The following VIT variants were observed in gnomAD, a reference collection of about 807,000 sequenced individuals.
The protein encoded by VIT is vitrin.
A neutral mutation model predicts 78.0 loss-of-function variants in VIT; 99 were observed. The ratio of observed to expected loss-of-function variants is 1.27; its 90% CI spans 1.08 to 1.50. The LOEUF (loss-of-function observed/expected upper bound fraction) is 1.50. VIT is among the 40% of genes most tolerant of loss of function. The probability of loss-of-function intolerance (pLI) is 0.00; values close to 1 mark genes in which losing one functional copy is unlikely to be tolerated. For synonymous variants in VIT, 374 were observed against 334.3 expected (o/e 1.12, Z -1.29); for missense variants, 1,126 against 875.3 (o/e 1.29, Z -3.61).
At chr2:36,755,955 A>ATTTTTTTTTTTTT (rs58344336) in intron 5 of VIT, among the ~76,000 whole-genome samples, 4 of 108,602 alleles carry the variant, frequency 3.7e-5, no homozygotes, top group Admixed American at 1.1e-4. Context: ...ACAACACAGT[A>ATTTTTTTTTTTTT]TTTTTTTTTT....
chr2:36,753,096 T>G (rs1418480972), intron 4 of VIT, among the ~76,000 whole-genome samples: 1 of 151,504 alleles, frequency 6.6e-6, no homozygotes, highest in Admixed American at 6.6e-5. Context: ...CTCAGCAAAC[T>G]AACACAAGAA....
chr2:36,736,906 A>G (rs566401413), intron 3 of VIT, among the ~76,000 whole-genome samples: 8 of 152,164 alleles, frequency 5.3e-5, no homozygotes, highest in Non-Finnish European at 8.8e-5. Context: ...AAGTCAAACC[A>G]TTGTAAATCA....
intron 12 of VIT, among the ~76,000 whole-genome samples, chr2:36,796,501 A>C (rs1351460946): frequency 2.0e-5 from 3 of 152,230 alleles, no homozygotes; most frequent in Non-Finnish European, 2.9e-5. Flanking sequence ...GGAAAGAGAC[A>C]GGGAATCGAC....
intron 2 of VIT, among the ~76,000 whole-genome samples, chr2:36,725,075 G>A (rs1372663766): frequency 6.6e-6 from 1 of 152,106 alleles, no homozygotes; most frequent in Non-Finnish European, 1.5e-5. Context: ...AACCCCAGAA[G>A]TAAATACACC....
chr2:36,794,860 G>A (rs1049705995), intron 12 of VIT, among the ~76,000 whole-genome samples: 3 of 152,126 alleles, frequency 2.0e-5, no homozygotes, highest in African/African-American at 7.2e-5. Flanking sequence ...AAGAAATACC[G>A]TTAAAAAAAT....
chr2:36,744,843 G>A (rs1175610437), intron 4 of VIT, among the ~76,000 whole-genome samples: 1 of 151,948 alleles, frequency 6.6e-6, no homozygotes. Flanking sequence ...ATCAATTTTT[G>A]TTTTTGTTGC....
At chr2:36,783,248 G>T (rs551705942) in intron 10 of VIT, 92 bp from the exon 11 acceptor site, 7 of 1,235,866 alleles carry the variant, frequency 5.7e-6, no homozygotes, top group African/African-American at 3.0e-5. Context: ...CCCCCAAGCT[G>T]GGTGTGAATA....
intron 15 of VIT, among the ~76,000 whole-genome samples, chr2:36,810,697 G>C (rs977675703): frequency 2.0e-5 from 3 of 150,108 alleles, no homozygotes; most frequent in Non-Finnish European, 4.4e-5. Flanking sequence ...GCAGTAGCAC[G>C]ATCTCTACTC....
intron 9 of VIT, among the ~76,000 whole-genome samples, chr2:36,778,628 G>T (rs1670213115): frequency 6.6e-6 from 1 of 152,198 alleles, no homozygotes; most frequent in African/African-American, 2.4e-5. Flanking sequence ...TTGGCATGAT[G>T]GCTTACGCCC....
intron 7 of VIT, among the ~76,000 whole-genome samples, chr2:36,769,135 G>A (rs567375657): frequency 6.6e-6 from 1 of 152,314 alleles, no homozygotes; most frequent in East Asian, 1.9e-4. Context: ...GTAGCCAGAA[G>A]TTCTCCTTTC....
intron 1 of VIT, among the ~76,000 whole-genome samples, chr2:36,712,945 C>T (rs961051136): frequency 5.3e-5 from 8 of 152,246 alleles, no homozygotes; most frequent in Non-Finnish European, 1.0e-4. Flanking sequence ...AGGGAGAGCG[C>T]TCATTACTCA....
chr2:36,722,325 G>A (rs1229005012), intron 2 of VIT, among the ~76,000 whole-genome samples: 1 of 152,134 alleles, frequency 6.6e-6, no homozygotes, highest in Admixed American at 6.5e-5. Context: ...TCCCCCAAAC[G>A]ACTGCAGCAT....
At chr2:36,770,222 A>G (rs947417873) in intron 7 of VIT, among the ~76,000 whole-genome samples, 1 of 152,228 alleles carries the variant, frequency 6.6e-6, no homozygotes, top group African/African-American at 2.4e-5. Context: ...AACACATCCC[A>G]TCAAGATCCC....
At chr2:36,755,922 C>G (rs1668732252) in intron 5 of VIT, among the ~76,000 whole-genome samples, 1 of 148,074 alleles carries the variant, frequency 6.8e-6, no homozygotes, top group Non-Finnish European at 1.5e-5. Context: ...AAGCTTTTGA[C>G]ATGTTCACGG....
intron 1 of VIT, among the ~76,000 whole-genome samples, chr2:36,697,806 T>C (rs944886658): frequency 2.0e-5 from 3 of 152,226 alleles, no homozygotes; most frequent in Non-Finnish European, 4.4e-5. Flanking sequence ...TTTGGACTTA[T>C]TGTAAAAATA....
At chr2:36,809,538 C>T (rs1666996961) in intron 15 of VIT, among the ~76,000 whole-genome samples, 3 of 152,180 alleles carry the variant, frequency 2.0e-5, no homozygotes, top group Admixed American at 1.3e-4. Flanking sequence ...CTGCCTCAGC[C>T]TCCCAAGTAG....
At chr2:36,737,358 TTTTC>T (rs1003556706) in intron 3 of VIT, among the ~76,000 whole-genome samples, 14 of 152,276 alleles carry the variant, frequency 9.2e-5, no homozygotes, top group African/African-American at 3.1e-4. Flanking sequence ...GAGAAGCTTT[TTTTC>T]TTTGTCATTC....
intron 12 of VIT, among the ~76,000 whole-genome samples, chr2:36,794,900 T>C (rs1330322461): frequency 6.6e-6 from 1 of 152,190 alleles, no homozygotes; most frequent in Non-Finnish European, 1.5e-5. Context: ...ATTATATGAG[T>C]AGCTCATCTG....
intron 7 of VIT, among the ~76,000 whole-genome samples, chr2:36,769,273 C>G (rs1287383244): frequency 6.6e-6 from 1 of 152,216 alleles, no homozygotes; most frequent in African/African-American, 2.4e-5. Context: ...TATAATTAAA[C>G]ATGTGGCATA....
Sources: gnomAD v4.1 joint callset for allele counts (sites outside exome capture counted in the v4.1 genomes callset) on GRCh38, gnomAD v4.1.1 for gene constraint, MANE v1.5 for transcripts, NCBI Gene and HGNC (gene_info 2026-07-23, HGNC 2026-07-21) for gene names.